Variants in ITGA4 observed in about 807,000 individuals in gnomAD.
The protein encoded by ITGA4 is integrin subunit alpha 4, also known as integrin alpha-4.
Under a neutral mutation model 133.6 loss-of-function variants are expected in ITGA4, and 63 were observed. That is an observed-to-expected ratio of 0.47 (90% confidence interval 0.38 to 0.58). The LOEUF (loss-of-function observed/expected upper bound fraction) is 0.58, where lower values mean the gene tolerates loss of function less well. Among genes scored for constraint, ITGA4 ranks in the 20% least tolerant of loss-of-function variants. ITGA4 has a pLI of 0.00. For synonymous variants in ITGA4, 483 were observed against 438.0 expected, an observed-to-expected ratio of 1.10 and a Z score of -1.28; for missense variants, 1,076 against 1,252.7, an observed-to-expected ratio of 0.86 and a Z score of 2.13.
At chr2:181,483,014 G>T (rs1315581318) in intron 9 of ITGA4, among the ~76,000 whole-genome samples, 1 of 151,966 alleles carries the variant, frequency 6.6e-6, no homozygotes, top group East Asian at 1.9e-4. Flanking sequence ...TCTAGTTAAG[G>T]TCCTTATATA....
intron 15 of ITGA4, among the ~76,000 whole-genome samples, chr2:181,504,210 G>T (rs555007642): frequency 6.6e-6 from 1 of 152,178 alleles, no homozygotes; most frequent in African/African-American, 2.4e-5. Flanking sequence ...AGTGAATTCA[G>T]TGGCCTTCGC....
At chr2:181,493,556 T>A (rs1686099819) in intron 11 of ITGA4, 137 bp downstream of exon 11, 2 of 519,794 alleles carry the variant, frequency 3.8e-6, no homozygotes, top group Non-Finnish European at 6.8e-6. Flanking sequence ...TTACTTATAG[T>A]GGCAAATGAT....
intron 2 of ITGA4, among the ~76,000 whole-genome samples, chr2:181,470,164 G>C (rs1685514920): frequency 6.6e-6 from 1 of 152,026 alleles, no homozygotes; most frequent in Non-Finnish European, 1.5e-5. Flanking sequence ...ATGGAAAATA[G>C]TATGGAGATT....
intron 2 of ITGA4, among the ~76,000 whole-genome samples, chr2:181,473,179 G>A (rs1685596372): frequency 6.6e-6 from 1 of 152,218 alleles, no homozygotes; most frequent in Admixed American, 6.5e-5. Flanking sequence ...CTGGCCCGTG[G>A]CCTGGTAGGA....
At chr2:181,479,348 C>T (rs1685751953) in intron 5 of ITGA4, 2 of 151,938 alleles carry the variant, frequency 1.3e-5, no homozygotes, top group South Asian at 2.1e-4. Flanking sequence ...CCAAATCTCT[C>T]AGTTTTCTTA....
At chr2:181,515,480 A>G (rs974048675) in intron 17 of ITGA4, among the ~76,000 whole-genome samples, 12 of 152,102 alleles carry the variant, frequency 7.9e-5, no homozygotes, top group Non-Finnish European at 1.3e-4. Context: ...TGCCAATTCT[A>G]TACATAATTC....
At chr2:181,486,785 G>A (rs1685929972) in intron 10 of ITGA4, among the ~76,000 whole-genome samples, 1 of 152,152 alleles carries the variant, frequency 6.6e-6, no homozygotes, top group Non-Finnish European at 1.5e-5. Flanking sequence ...AGAGTGTGCA[G>A]TTTCATGGAG....
intron 2 of ITGA4, among the ~76,000 whole-genome samples, chr2:181,462,352 CCTGGTTCATATTATATAACCTATTTG>C (rs1685305874): frequency 6.6e-6 from 1 of 152,144 alleles, no homozygotes; most frequent in South Asian, 2.1e-4. Flanking sequence ...TAGCCAGCCT[CCTGGTTCATATTATATAACCTATTTG>C]AAAGAATTTA....
At chr2:181,462,362 A>T (rs1277906098) in intron 2 of ITGA4, among the ~76,000 whole-genome samples, 2 of 152,166 alleles carry the variant, frequency 1.3e-5, no homozygotes, top group African/African-American at 2.4e-5. Flanking sequence ...CCTGGTTCAT[A>T]TTATATAACC....
At chr2:181,478,088 G>A (rs181063467) in intron 4 of ITGA4, among the ~76,000 whole-genome samples, 28 of 152,156 alleles carry the variant, frequency 1.8e-4, no homozygotes, top group South Asian at 1.2e-3. Context: ...GGATGACCCC[G>A]AAGGACATTA....
intron 22 of ITGA4, among the ~76,000 whole-genome samples, chr2:181,528,602 T>C (rs968983439): frequency 6.6e-6 from 1 of 152,214 alleles, no homozygotes; most frequent in East Asian, 1.9e-4. Context: ...GTCTGTAGTA[T>C]TGGGCACTGC....
intron 10 of ITGA4, among the ~76,000 whole-genome samples, chr2:181,487,814 A>T (rs905516055): frequency 1.3e-5 from 2 of 152,190 alleles, no homozygotes; most frequent in Non-Finnish European, 2.9e-5. Context: ...AATAAAATTA[A>T]TACTTGAAAA....
chr2:181,478,834 CA>C lies in ITGA4; in HGVS notation c.624+16del, dbSNP rs1309176081. On this transcript the variant is annotated intron_variant, in intron 5 of 27. Coordinates refer to ENST00000397033, the MANE Select transcript of ITGA4 (RefSeq NM_000885.6). The stretch of plus-strand genomic sequence containing the variant: ...CAGTTTTTACACAAAGGTAATTGTT[CA>C]AAAAATAGCTGCTATAAATGTTTAC... 3.7e-6 allele frequency: 5 copies of C among 1,351,172 alleles called. No homozygotes were observed. Among genetic ancestry groups the C allele is most frequent in the East Asian group, 5.0e-5 (2 of 40,192 alleles). The allele number at this position is 1,351,172 out of a possible 1,614,324, so 83.7% of individuals were successfully genotyped here.
At chr2:181,526,137 G>A (rs1295863137) in intron 21 of ITGA4, among the ~76,000 whole-genome samples, 8 of 152,104 alleles carry the variant, frequency 5.3e-5, no homozygotes, top group African/African-American at 1.4e-4. Flanking sequence ...TAAAGCAAAC[G>A]GGTGAAAAAA....
At chr2:181,461,569 C>A (rs1685279542) in intron 2 of ITGA4, among the ~76,000 whole-genome samples, 1 of 151,998 alleles carries the variant, frequency 6.6e-6, no homozygotes. Flanking sequence ...TAAGGTGTCA[C>A]AAATAATGAC....
In ITGA4 at chr2:181,527,382, T is replaced by G. The variant is rs1275927328; in HGVS notation, c.2425T>G (p.Phe809Val). The change falls in exon 22 of 28, where the codon TTC (phenylalanine) becomes GTC (valine). Residue 809 changes from phenylalanine (F) to valine (V), a missense_variant. Physicochemically the swap from Phe to Val is conservative, Grantham distance 50. Coordinates refer to ENST00000397033, the MANE Select transcript of ITGA4 (RefSeq NM_000885.6). ...TCMVEKMNLT[F>V]HVINTGNSMA... ...CATGGTGGAGAAAATGAACTTAACT[T>G]TCCATGTAAGAAAAGTTAATTGTGT... 2 of 1,598,976 alleles carry G rather than the reference T, an allele frequency of 1.3e-6. No homozygotes were observed. Among genetic ancestry groups the G allele is most frequent in the Non-Finnish European group, 1.7e-6 (2 of 1,166,474 alleles).
At chr2:181,517,343 G>A (rs950430257) in intron 17 of ITGA4, among the ~76,000 whole-genome samples, 3 of 151,970 alleles carry the variant, frequency 2.0e-5, no homozygotes, top group East Asian at 1.9e-4. Flanking sequence ...GACTTGGGGA[G>A]CATTTCTTGC....
At position 181,537,085 on chromosome 2, in the gene ITGA4, G is replaced by GTATACACAGGAATAAACTTTATGACAT; in HGVS notation, c.*1560_*1586dup. 2 of 451,532 alleles carry GTATACACAGGAATAAACTTTATGACAT rather than the reference G, an allele frequency of 4.4e-6. No individual in the cohort carries two copies. Among genetic ancestry groups the GTATACACAGGAATAAACTTTATGACAT allele is most frequent in the South Asian group, 3.1e-5 (2 of 64,094 alleles). 28.0% of individuals were successfully genotyped at this position (451,532 alleles called of 1,614,324 possible). A position where few individuals can be genotyped will look rare whatever the true frequency, so the allele number is the denominator to read the frequency against. ...ACAAAACCTCCTGAACCCAGAGTGT[G>GTATACACAGGAATAAACTTTATGACAT]TATACACAGGAATAAACTTTATGAC... On this transcript the variant is annotated 3_prime_UTR_variant, in exon 28 of 28. Transcript: ENST00000397033.
Position 181,522,183 on chromosome 2 carries a change from A to AT in ITGA4, c.1923-3dup, listed in dbSNP as rs1445489180. 4.5e-6 allele frequency: 7 copies of AT among 1,538,790 alleles called. No homozygotes were observed. The highest frequency in any genetic ancestry group is 4.4e-6 in the Non-Finnish European group (5 of 1,127,112). On this transcript the variant is annotated splice_region_variant and splice_polypyrimidine_tract_variant and intron_variant, in intron 17 of 27. Transcript: ENST00000397033. ...AACAAGAACTAAATAATATTACTTA[A>AT]TTTTTAGGCCCCATGAAAATAAAAC...
Sources: allele counts gnomAD v4.1 joint callset (sites outside exome capture counted in the v4.1 genomes callset), GRCh38; gene constraint gnomAD v4.1.1; transcripts MANE v1.5; gene names NCBI Gene and HGNC (gene_info 2026-07-23, HGNC 2026-07-21).